Variants in FTO observed in about 807,000 individuals in gnomAD.
FTO encodes the protein alpha-ketoglutarate-dependent dioxygenase FTO.
In FTO, 47 loss-of-function variants were observed where a neutral mutation model predicts 63.9. The observed-to-expected ratio is 0.74, with a 90% CI of 0.58 to 0.94. FTO has a LOEUF of 0.94. FTO is among the 40% of genes least tolerant of loss of function. The pLI is 0.00. For synonymous variants in FTO, 207 were observed against 224.4 expected (o/e 0.92, Z 0.69); for missense variants, 562 against 618.1 (o/e 0.91, Z 0.96).
chr16:53,890,244 A>G (rs2081111658), intron 7 of FTO, among the ~76,000 whole-genome samples: 1 of 152,144 alleles, frequency 6.6e-6, no homozygotes, highest in African/African-American at 2.4e-5. Context: ...TCCCTATTTT[A>G]TTTTTTTAAA....
chr16:53,995,225 G>A (rs1278448852), intron 8 of FTO, among the ~76,000 whole-genome samples: 14 of 152,340 alleles, frequency 9.2e-5, no homozygotes, highest in Middle Eastern at 3.4e-3. Flanking sequence ...CAGTGAGCCC[G>A]TTGAGGGCGA....
At chr16:53,847,823 A>T (rs1257030474) in intron 4 of FTO, among the ~76,000 whole-genome samples, 1 of 152,068 alleles carries the variant, frequency 6.6e-6, no homozygotes, top group Non-Finnish European at 1.5e-5. Context: ...GACATTATTC[A>T]TTGGATTTTG....
rs867571588 is a variant in FTO at position 53,818,177 on chromosome 16, T to C, written c.124-7687T>C. Among the ~76,000 whole-genome samples, 1,155 of 152,252 alleles carry C rather than the reference T, an allele frequency of 7.6e-3. 8 individuals are homozygous for C. The highest frequency in any genetic ancestry group is 0.01 in the Non-Finnish European group (695 of 68,006). On this transcript the variant is annotated intron_variant, in intron 2 of 8. Coordinates refer to ENST00000471389, the MANE Select transcript of FTO (RefSeq NM_001080432.3). ...TTCTCCAAAGTTACTTGTTCTTTTT[T>C]TTTTTTTTTAAAGAAAAATTGAACA...
chr16:53,939,702 T>A (rs959638567), intron 8 of FTO, among the ~76,000 whole-genome samples: 2 of 152,246 alleles, frequency 1.3e-5, no homozygotes, highest in African/African-American at 4.8e-5. Context: ...TTCTTATAAA[T>A]GAAATCATAC....
At chr16:54,083,421 T>G (rs1379975097) in intron 8 of FTO, among the ~76,000 whole-genome samples, 1 of 152,226 alleles carries the variant, frequency 6.6e-6, no homozygotes, top group Non-Finnish European at 1.5e-5. Context: ...GCTTCAGGTT[T>G]TCTGGTCTCC....
At chr16:53,739,259 G>A (rs1214123241) in intron 1 of FTO, among the ~76,000 whole-genome samples, 2 of 152,108 alleles carry the variant, frequency 1.3e-5, no homozygotes, top group Non-Finnish European at 2.9e-5. Context: ...AGGCTGGAGT[G>A]CAATGGCACG....
chr16:53,719,589 T>A (rs1322882899), intron 1 of FTO, among the ~76,000 whole-genome samples: 2 of 151,716 alleles, frequency 1.3e-5, no homozygotes, highest in Non-Finnish European at 2.9e-5. Flanking sequence ...CTTTGTACAT[T>A]CTTGTCTTCT....
chr16:54,088,153 C>T (rs2086289700), intron 8 of FTO, among the ~76,000 whole-genome samples: 1 of 152,186 alleles, frequency 6.6e-6, no homozygotes, highest in South Asian at 2.1e-4. Flanking sequence ...TTCTTCTATG[C>T]ATTTACAGAC....
chr16:53,849,924 A>T (rs200386370), intron 4 of FTO, among the ~76,000 whole-genome samples: 1 of 152,198 alleles, frequency 6.6e-6, no homozygotes, highest in East Asian at 1.9e-4. Flanking sequence ...TATTCAAAGG[A>T]AAAAGCTTTT....
chr16:53,755,958 T>A (rs2076914453), intron 1 of FTO, among the ~76,000 whole-genome samples: 1 of 152,184 alleles, frequency 6.6e-6, no homozygotes, highest in Non-Finnish European at 1.5e-5. Context: ...GGATTTTTTG[T>A]CACTTGTAGG....
chr16:53,782,538 A>T (rs2077613599), intron 1 of FTO, among the ~76,000 whole-genome samples: 1 of 152,198 alleles, frequency 6.6e-6, no homozygotes, highest in Non-Finnish European at 1.5e-5. Context: ...GGTGTGTGAA[A>T]TTTTGCTAAT....
intron 1 of FTO, among the ~76,000 whole-genome samples, chr16:53,736,170 A>G: frequency 6.6e-6 from 1 of 152,188 alleles, no homozygotes; most frequent in Non-Finnish European, 1.5e-5. Context: ...TATAGGCTGA[A>G]CATCTGGCTC....
At chr16:53,817,868 T>C (rs1264849117) in intron 2 of FTO, among the ~76,000 whole-genome samples, 5 of 152,188 alleles carry the variant, frequency 3.3e-5, no homozygotes, top group African/African-American at 7.2e-5. Flanking sequence ...CAAATACTTA[T>C]TAAACTATAT....
rs550758527 is a variant in FTO, at chr16:53,912,776, G to A, written c.1240-21209G>A. ...GCGATTCCACCTACCATTTTCCTGG[G>A]TAGTGCTGGGATTAATTAAGTCTGA... On this transcript the variant is annotated intron_variant, in intron 7 of 8. Transcript: ENST00000471389. Among the ~76,000 whole-genome samples, 248 of 152,274 alleles carry A rather than the reference G, an allele frequency of 1.6e-3. 2 individuals are homozygous for A. Among genetic ancestry groups the A allele is most frequent in the Non-Finnish European group, 2.1e-3 (146 of 68,032 alleles).
chr16:54,024,139 C>T (rs1412454051), intron 8 of FTO, among the ~76,000 whole-genome samples: 2 of 152,136 alleles, frequency 1.3e-5, no homozygotes, highest in African/African-American at 4.8e-5. Flanking sequence ...TATAATATTA[C>T]AAATGGAATT....
chr16:53,909,256 C>T (rs1319419602), intron 7 of FTO, among the ~76,000 whole-genome samples: 3 of 152,154 alleles, frequency 2.0e-5, no homozygotes, highest in Non-Finnish European at 2.9e-5. Context: ...TTTAAGGTGT[C>T]GAACATTTGA....
intron 3 of FTO, among the ~76,000 whole-genome samples, chr16:53,842,021 G>A (rs1044251849): frequency 1.3e-5 from 2 of 152,096 alleles, no homozygotes; most frequent in East Asian, 1.9e-4. Flanking sequence ...TAAATTTGAG[G>A]CATTTTTGTT....
At chr16:53,746,668 G>C (rs1019241027) in intron 1 of FTO, among the ~76,000 whole-genome samples, 13 of 151,988 alleles carry the variant, frequency 8.6e-5, no homozygotes, top group African/African-American at 3.1e-4. Flanking sequence ...ATATATATCA[G>C]GTCAAATACT....
intron 8 of FTO, among the ~76,000 whole-genome samples, chr16:54,024,966 A>G (rs1313425244): frequency 6.6e-5 from 10 of 152,250 alleles, no homozygotes; most frequent in African/African-American, 1.9e-4. Context: ...CACTTAGGCA[A>G]TAAGCCATTA....
Sources: allele counts gnomAD v4.1 joint callset (sites outside exome capture counted in the v4.1 genomes callset), GRCh38; gene constraint gnomAD v4.1.1; transcripts MANE v1.5; gene names NCBI Gene and HGNC (gene_info 2026-07-23, HGNC 2026-07-21).